MAP2K5: variants seen among roughly 807,000 people sequenced by gnomAD.
The protein encoded by MAP2K5 is mitogen-activated protein kinase kinase 5, also known as dual specificity mitogen-activated protein kinase kinase 5.
In MAP2K5, 49 loss-of-function variants were observed where a neutral mutation model predicts 83.1. The ratio of observed to expected loss-of-function variants is 0.59; its 90% CI spans 0.47 to 0.75. The LOEUF (loss-of-function observed/expected upper bound fraction) is 0.75. Among genes scored for constraint, MAP2K5 ranks in the 30% least tolerant of loss-of-function variants. The pLI is 0.00. For missense variants in MAP2K5, 457 were observed against 557.5 expected, an observed-to-expected ratio of 0.82 and a Z score of 1.82; for synonymous variants, 202 against 191.8, an observed-to-expected ratio of 1.05 and a Z score of -0.44.
intron 17 of MAP2K5, among the ~76,000 whole-genome samples, chr15:67,745,295 T>C (rs2089580761): frequency 6.6e-6 from 1 of 152,236 alleles, no homozygotes; most frequent in Non-Finnish European, 1.5e-5. Flanking sequence ...TGCGTTCCTC[T>C]GAACTCTGCT....
rs1269357235 is a variant in MAP2K5, at chr15:67,563,007, T to G, written c.185-276T>G. On this transcript the variant is annotated intron_variant, in intron 2 of 21. Transcript: ENST00000178640. This position sits in a 1 kb window ranked among gnomAD's most constrained non-coding sequence, Gnocchi z 4.5. Reference sequence around the variant, plus strand: ...AGTTCCGCTAACCAAACCTGTTTTGTCATACTCCAGTTATATTTACTTTAA... The same window carrying G: ...AGTTCCGCTAACCAAACCTGTTTTGGCATACTCCAGTTATATTTACTTTAA... Among the ~76,000 whole-genome samples, 4 of 152,206 alleles carry G rather than the reference T, an allele frequency of 2.6e-5. No individual in the cohort carries two copies. Among genetic ancestry groups the G allele is most frequent in the Non-Finnish European group, 5.9e-5 (4 of 68,036 alleles).
intron 3 of MAP2K5, 128 bp from the exon 4 acceptor site, chr15:67,580,626 A>G (rs2085159223): frequency 2.1e-5 from 14 of 665,754 alleles, no homozygotes; most frequent in Non-Finnish European, 3.8e-5. Context: ...CAGTAGGGGA[A>G]AAGTATTCTC....
At chr15:67,647,642 T>C (rs2086858337) in intron 11 of MAP2K5, among the ~76,000 whole-genome samples, 1 of 151,842 alleles carries the variant, frequency 6.6e-6, no homozygotes, top group African/African-American at 2.4e-5. Flanking sequence ...TCCTAGCACT[T>C]TGGGAGGCCG....
chr15:67,647,738 CGCA>C (rs1420064043), intron 11 of MAP2K5, among the ~76,000 whole-genome samples: 1 of 152,008 alleles, frequency 6.6e-6, no homozygotes, highest in Non-Finnish European at 1.5e-5. Context: ...GGTGTGGTAG[CGCA>C]TACCTGTAGT....
rs16951147 is a variant in MAP2K5 at position 67,699,182 on chromosome 15, G to A, written c.973-4155G>A. 2.6e-5 allele frequency among the ~76,000 whole-genome samples: 4 copies of A among 151,534 alleles called. No individual in the cohort carries two copies. In the East Asian group the frequency reaches 5.8e-4, roughly 22 times the overall value. ...TGCACCGAAGAGCTAAAAAGACAGT[G>A]GGCTACTCCCAGGACAATTTTTGAA... is the stretch of plus-strand genomic sequence containing the variant. On this transcript the variant is annotated intron_variant, in intron 15 of 21. Transcript: ENST00000178640.
intron 2 of MAP2K5, among the ~76,000 whole-genome samples, chr15:67,558,630 A>G (rs1227071773): frequency 1.3e-5 from 2 of 152,080 alleles, no homozygotes; most frequent in African/African-American, 2.4e-5. Flanking sequence ...CTGTCCCACC[A>G]TTGTTTCTCT....
chr15:67,806,502 G>A (rs1403189508), intron 21 of MAP2K5, 144 bp from the exon 22 acceptor site: 3 of 693,726 alleles, frequency 4.3e-6, no homozygotes, highest in Middle Eastern at 3.7e-4. Flanking sequence ...TCTAGGCCGT[G>A]AAATGGAGCT....
At chr15:67,763,975 T>A (rs3784708) in intron 19 of MAP2K5, among the ~76,000 whole-genome samples, 135,288 of 152,286 alleles carry the variant, frequency 0.89, 60,187 homozygotes, top group Middle Eastern at 0.92. Flanking sequence ...TACTTTTAAA[T>A]TATAGAGTGT....
chr15:67,657,520 T>G (rs2087114149), intron 11 of MAP2K5, among the ~76,000 whole-genome samples: 1 of 152,078 alleles, frequency 6.6e-6, no homozygotes, highest in Non-Finnish European at 1.5e-5. Context: ...GTAATTTTGG[T>G]AAATAAGGGT....
intron 13 of MAP2K5, among the ~76,000 whole-genome samples, chr15:67,686,863 G>C (rs1480348339): frequency 1.3e-5 from 2 of 152,124 alleles, no homozygotes; most frequent in East Asian, 3.8e-4. Context: ...GAGGGAGATG[G>C]TGAAAACAGA....
rs71142390 is a variant in MAP2K5 at position 67,634,367 on chromosome 15, C to CAAAAAAAAAAAAAAAAAAAAAAAAAAAA, written c.585+3455_585+3482dup. On this transcript the variant is annotated intron_variant, in intron 9 of 21. Transcript: ENST00000178640. Reference sequence around the variant, plus strand: ...TGGGTGACAGAGTAAGACCTCATCTCAAAAAAAAAAAAAAAAAAAAAAAAA... The same window carrying CAAAAAAAAAAAAAAAAAAAAAAAAAAAA: ...TGGGTGACAGAGTAAGACCTCATCTCAAAAAAAAAAAAAAAAAAAAAAAAAAAAAAAAAAAAAAAAAAAAAAAAAAAAA... Among the ~76,000 whole-genome samples the CAAAAAAAAAAAAAAAAAAAAAAAAAAAA allele has an allele frequency of 8.2e-5, 4 of 48,578 alleles. 2 individuals carry two copies. The highest frequency in any genetic ancestry group is 1.6e-4 in the Non-Finnish European group (4 of 24,804). 31.9% of individuals were successfully genotyped at this position (48,578 alleles called of 152,430 possible).
chr15:67,585,918 A>G lies in MAP2K5; in HGVS notation c.351A>G (p.Ile117Met). 1 of 1,613,856 alleles carries G rather than the reference A, an allele frequency of 6.2e-7. No individual in the cohort carries two copies. The highest frequency in any genetic ancestry group is 8.5e-7 in the Non-Finnish European group (1 of 1,179,738). ...GCAAGCCTCCTGGGGAACGGAACAT[A>G]CATGGCCTGAAGGTACGAATTTCAA... ...RACKPPGERN[I>M]HGLKVNTRAG... Residue 117 changes from isoleucine (I) to methionine (M), a missense_variant, in exon 5 of 22, where the codon ATA becomes ATG. This residue lies in a region of MAP2K5 where 234 missense variants were observed against 243.6 expected (regional missense o/e 0.96). Transcript: ENST00000178640.
At chr15:67,772,377 G>GAGTC (rs2090158641) in intron 20 of MAP2K5, among the ~76,000 whole-genome samples, 2 of 152,146 alleles carry the variant, frequency 1.3e-5, no homozygotes, top group African/African-American at 2.4e-5. Context: ...GTCAATAAGA[G>GAGTC]AATATTGCTG....
At chr15:67,662,449 A>G (rs1340020585) in intron 12 of MAP2K5, among the ~76,000 whole-genome samples, 1 of 152,178 alleles carries the variant, frequency 6.6e-6, no homozygotes, top group East Asian at 1.9e-4. Context: ...CTCTATAGTG[A>G]TGAATACTTG....
intron 9 of MAP2K5, among the ~76,000 whole-genome samples, chr15:67,631,568 T>G (rs982661682): frequency 2.6e-5 from 4 of 152,166 alleles, no homozygotes; most frequent in African/African-American, 4.8e-5. Context: ...CTCGGCATAC[T>G]GAAATACCCA....
Position 67,543,824 on chromosome 15 carries a change from CTTGT to C in MAP2K5, c.135+357_135+360del, listed in dbSNP as rs1555524391. ...GGAATGTCCTTGGACAGATTCCAGC[CTTGT>C]TTTTCTACTGAGTTCTCTGAACTTG... On this transcript the variant is annotated intron_variant, in intron 1 of 21. Transcript: ENST00000178640. This position sits in a 1 kb window ranked among gnomAD's most constrained non-coding sequence, Gnocchi z 4.3. 6.6e-6 allele frequency among the ~76,000 whole-genome samples: 1 copy of C among 152,200 alleles called. No homozygotes were observed. Among genetic ancestry groups the C allele is most frequent in the Non-Finnish European group, 1.5e-5 (1 of 68,036 alleles).
intron 9 of MAP2K5, among the ~76,000 whole-genome samples, chr15:67,631,420 GTCTTT>G (rs758458793): frequency 6.6e-6 from 1 of 152,124 alleles, no homozygotes; most frequent in East Asian, 1.9e-4. Context: ...TGTACTTTCG[GTCTTT>G]TCTTTTCCTA....
rs922948944 is a variant in MAP2K5, at chr15:67,565,540, T to A, written c.252+2190T>A. On this transcript the variant is annotated intron_variant, in intron 3 of 21. Coordinates refer to ENST00000178640, the MANE Select transcript of MAP2K5 (RefSeq NM_145160.3). The surrounding 1 kb of genome is among the most constrained non-coding windows in gnomAD (Gnocchi z 4.1). Reference sequence around the variant, plus strand: ...ACTGTGCCCGGCCTGTCATCATCATTATTAAATTCTGAATAATTTGGGTTT... The same window carrying A: ...ACTGTGCCCGGCCTGTCATCATCATAATTAAATTCTGAATAATTTGGGTTT... 6.6e-6 allele frequency among the ~76,000 whole-genome samples: 1 copy of A among 152,064 alleles called. No homozygotes were observed.
At chr15:67,681,515 G>T (rs1488656816) in intron 13 of MAP2K5, among the ~76,000 whole-genome samples, 2 of 152,108 alleles carry the variant, frequency 1.3e-5, no homozygotes, top group African/African-American at 4.8e-5. Flanking sequence ...TGCATAAAAT[G>T]ACTAAATCTT....
Sources: allele counts gnomAD v4.1 joint callset (sites outside exome capture counted in the v4.1 genomes callset), GRCh38; gene constraint gnomAD v4.1.1; regional missense constraint gnomAD v4.1.1; non-coding constraint Gnocchi (gnomAD v3.1); transcripts MANE v1.5; gene names NCBI Gene and HGNC (gene_info 2026-07-23, HGNC 2026-07-21).